The following ASTN2 variants were observed in gnomAD, a reference collection of about 807,000 sequenced individuals.
The protein encoded by ASTN2 is astrotactin 2.
A neutral mutation model predicts 139.8 loss-of-function variants in ASTN2; 54 were observed. That is an observed-to-expected ratio of 0.39 (90% CI 0.31 to 0.48). The LOEUF is 0.48. ASTN2 is among the 20% of genes least tolerant of loss of function. The probability of loss-of-function intolerance (pLI) is 0.95; values close to 1 mark genes in which losing one functional copy is unlikely to be tolerated. For missense variants in ASTN2, 1,565 were observed against 1,725.1 expected, an observed-to-expected ratio of 0.91 and a Z score of 1.64; for synonymous variants, 756 against 719.5, an observed-to-expected ratio of 1.05 and a Z score of -0.81.
intron 3 of ASTN2, chr9:117,181,007 CTGTT>C (rs1305254547): frequency 6.3e-7 from 1 of 1,594,458 alleles, no homozygotes; most frequent in Non-Finnish European, 8.5e-7. Flanking sequence ...CCTCGCATGC[CTGTT>C]TGGAGCCTGC....
intron 2 of ASTN2, among the ~76,000 whole-genome samples, chr9:117,274,147 G>C (rs776895581): frequency 6.6e-6 from 1 of 152,078 alleles, no homozygotes; most frequent in Non-Finnish European, 1.5e-5. Flanking sequence ...TCAGGAGATC[G>C]AGACCATCCT....
At chr9:116,519,648 A>T (rs1287441754) in intron 19 of ASTN2, among the ~76,000 whole-genome samples, 1 of 152,118 alleles carries the variant, frequency 6.6e-6, no homozygotes, top group Non-Finnish European at 1.5e-5. Context: ...AAGAAAAGAA[A>T]TAACGAATAT....
chr9:117,161,204 T>C (rs1270531622), intron 3 of ASTN2, among the ~76,000 whole-genome samples: 4 of 151,982 alleles, frequency 2.6e-5, no homozygotes, highest in African/African-American at 9.7e-5. Flanking sequence ...ACAGTGGTAG[T>C]GGTAATGATG....
At chr9:117,103,768 G>T (rs996377938) in intron 4 of ASTN2, among the ~76,000 whole-genome samples, 3 of 152,248 alleles carry the variant, frequency 2.0e-5, no homozygotes, top group South Asian at 2.1e-4. Flanking sequence ...TGTGGTTCAG[G>T]AATGGAAAAA....
At chr9:116,435,148 G>A (rs1847611779) in intron 22 of ASTN2, among the ~76,000 whole-genome samples, 2 of 152,092 alleles carry the variant, frequency 1.3e-5, no homozygotes, top group Non-Finnish European at 2.9e-5. Flanking sequence ...GGGTTTTCTG[G>A]TTCCTTGGCT....
chr9:116,510,702 T>C (rs1850337305), intron 19 of ASTN2, among the ~76,000 whole-genome samples: 2 of 152,332 alleles, frequency 1.3e-5, no homozygotes, highest in Admixed American at 6.5e-5. Context: ...CAGTTCTCCT[T>C]GAAGAGGTCC....
At chr9:116,432,567 T>C (rs763563469) in intron 22 of ASTN2, among the ~76,000 whole-genome samples, 9 of 152,340 alleles carry the variant, frequency 5.9e-5, no homozygotes, top group Non-Finnish European at 8.8e-5. Flanking sequence ...GCTCAACTAA[T>C]ATTTCCCACC....
At chr9:117,315,620 A>T (rs527423494) in intron 1 of ASTN2, among the ~76,000 whole-genome samples, 1 of 152,280 alleles carries the variant, frequency 6.6e-6, no homozygotes, top group South Asian at 2.1e-4. Context: ...GTAAATGCTC[A>T]TCTCCTTTTT....
At chr9:117,037,161 G>A (rs1838406503) in intron 6 of ASTN2, among the ~76,000 whole-genome samples, 1 of 151,882 alleles carries the variant, frequency 6.6e-6, no homozygotes, top group African/African-American at 2.4e-5. Flanking sequence ...CATAATTCCT[G>A]CCCTCACAGA....
chr9:116,617,583 G>C (rs990501981), intron 19 of ASTN2, among the ~76,000 whole-genome samples: 1 of 152,076 alleles, frequency 6.6e-6, no homozygotes, highest in Non-Finnish European at 1.5e-5. Context: ...CTGTGAAATG[G>C]GCACAATAAT....
At chr9:116,947,573 T>C (rs1289898680) in intron 10 of ASTN2, among the ~76,000 whole-genome samples, 1 of 152,120 alleles carries the variant, frequency 6.6e-6, no homozygotes, top group Admixed American at 6.5e-5. Context: ...CAGAAGGAGA[T>C]TTCTTTGGTC....
At chr9:117,102,820 C>A (rs1479167570) in intron 4 of ASTN2, among the ~76,000 whole-genome samples, 4 of 151,984 alleles carry the variant, frequency 2.6e-5, no homozygotes, top group Non-Finnish European at 5.9e-5. Flanking sequence ...CCGTGCCTGG[C>A]CAATTAATGA....
chr9:116,850,846 T>G (rs1009006425), intron 11 of ASTN2, among the ~76,000 whole-genome samples: 2 of 151,380 alleles, frequency 1.3e-5, no homozygotes, highest in African/African-American at 4.9e-5. Context: ...CAAACCAGAG[T>G]CTACACCAGA....
At chr9:116,495,285 C>T (rs906256059) in intron 19 of ASTN2, among the ~76,000 whole-genome samples, 9 of 152,186 alleles carry the variant, frequency 5.9e-5, no homozygotes, top group Admixed American at 3.9e-4. Context: ...CCAACAGCAC[C>T]TGAGTTTTCC....
Position 116,699,118 on chromosome 9 carries a change from G to A in ASTN2, c.2806+26653C>T, listed in dbSNP as rs1295050066. 1.2e-6 allele frequency: 2 copies of A among 1,614,058 alleles called. No homozygotes were observed. The highest frequency in any genetic ancestry group is 1.7e-6 in the Non-Finnish European group (2 of 1,179,980). ...TCCCTCAAGGTATATACCTTGGATG[G>A]CCACTGCGTGGCCTGTCACAGGAGC... On this transcript the variant is annotated intron_variant, in intron 16 of 22. Coordinates refer to ENST00000313400, the MANE Select transcript of ASTN2 (RefSeq NM_001365068.1). The surrounding 1 kb of genome is among the most constrained non-coding windows in gnomAD (Gnocchi z 4.2).
intron 3 of ASTN2, among the ~76,000 whole-genome samples, chr9:117,146,968 T>G (rs1319447635): frequency 6.6e-6 from 1 of 152,180 alleles, no homozygotes; most frequent in African/African-American, 2.4e-5. Context: ...TACCCTAATT[T>G]GATCATTGCA....
chr9:116,604,449 T>A (rs1855081381), intron 19 of ASTN2, among the ~76,000 whole-genome samples: 1 of 152,072 alleles, frequency 6.6e-6, no homozygotes, highest in Non-Finnish European at 1.5e-5. Flanking sequence ...CATATTCCCC[T>A]CACCCCCACC....
In ASTN2 at chr9:117,291,486, G is replaced by A. The variant is rs752923196; in HGVS notation, c.470C>T (p.Ser157Leu). 6.2e-6 allele frequency: 10 copies of A among 1,611,884 alleles called. No homozygotes were observed. Among genetic ancestry groups the A allele is most frequent in the African/African-American group, 5.3e-5 (4 of 74,918 alleles). Residue 157 changes from serine (S) to leucine (L), a missense_variant, in exon 2 of 23, where the codon TCG (serine) becomes TTG (leucine). Coordinates refer to ENST00000313400, the MANE Select transcript of ASTN2 (RefSeq NM_001365068.1). The stretch of plus-strand genomic sequence containing the variant: ...CCACTGCTGTCTCCAGTGCACCAGC[G>A]AGATGTCCGCTGCTGTGCCAGACAT... ...LEMSGTAADI[S>L]LVHWRQQWLE...
At chr9:117,320,949 C>G (rs917106253) in intron 1 of ASTN2, among the ~76,000 whole-genome samples, 3 of 152,222 alleles carry the variant, frequency 2.0e-5, no homozygotes, top group South Asian at 2.1e-4. Context: ...GGGTGATGGA[C>G]AGCCTGATGT....
Sources: allele counts gnomAD v4.1 joint callset (sites outside exome capture counted in the v4.1 genomes callset), GRCh38; gene constraint gnomAD v4.1.1; non-coding constraint Gnocchi (gnomAD v3.1); transcripts MANE v1.5; gene names NCBI Gene and HGNC (gene_info 2026-07-23, HGNC 2026-07-21).